LRRC4C: variants seen among roughly 807,000 people sequenced by gnomAD.
LRRC4C encodes leucine-rich repeat-containing protein 4C.
In LRRC4C, 5 loss-of-function variants were observed where a neutral mutation model predicts 33.6. The observed-to-expected ratio is 0.15, with a 90% CI of 0.08 to 0.31. LRRC4C has a LOEUF of 0.31. LRRC4C is among the 10% of genes least tolerant of loss of function. The pLI, the probability that LRRC4C is intolerant of heterozygous loss-of-function variation, is 1.00. For synonymous variants in LRRC4C, 329 were observed against 302.0 expected, an observed-to-expected ratio of 1.09 and a Z score of -0.93; for missense variants, 560 against 796.7, an observed-to-expected ratio of 0.70 and a Z score of 3.58.
chr11:40,360,443 A>G (rs953384503), intron 3 of LRRC4C, among the ~76,000 whole-genome samples: 82 of 152,330 alleles, frequency 5.4e-4, no homozygotes, highest in African/African-American at 1.9e-3. Context: ...TAGCAGGTGG[A>G]AAACACTCTG....
intron 1 of LRRC4C, among the ~76,000 whole-genome samples, chr11:41,428,719 C>T (rs577858223): frequency 1.4e-4 from 21 of 152,156 alleles, no homozygotes; most frequent in South Asian, 2.1e-4. Flanking sequence ...AGTGCTTTTT[C>T]GCTCTCCTTT....
intron 3 of LRRC4C, among the ~76,000 whole-genome samples, chr11:40,555,968 C>G (rs944721639): frequency 3.3e-5 from 5 of 151,944 alleles, no homozygotes; most frequent in Non-Finnish European, 7.4e-5. Flanking sequence ...TATTTCAGAA[C>G]CAAGGATAAT....
intron 3 of LRRC4C, among the ~76,000 whole-genome samples, chr11:40,382,959 C>T (rs889579978): frequency 2.0e-5 from 3 of 152,050 alleles, no homozygotes; most frequent in Non-Finnish European, 2.9e-5. Context: ...TCCCAAAGTA[C>T]TGGGATTACA....
chr11:41,066,543 T>C (rs1938253708), intron 1 of LRRC4C, among the ~76,000 whole-genome samples: 1 of 152,134 alleles, frequency 6.6e-6, no homozygotes, highest in Non-Finnish European at 1.5e-5. Flanking sequence ...CAGGCCAACA[T>C]GCAAATTCAG....
chr11:40,185,254 C>T (rs555019664), intron 5 of LRRC4C, among the ~76,000 whole-genome samples: 1 of 152,144 alleles, frequency 6.6e-6, no homozygotes, highest in Non-Finnish European at 1.5e-5. Context: ...ACCCTTTTCT[C>T]AAGCAAGCAT....
chr11:40,616,349 T>C (rs970266588), intron 3 of LRRC4C, among the ~76,000 whole-genome samples: 1 of 151,996 alleles, frequency 6.6e-6, no homozygotes, highest in African/African-American at 2.4e-5. Context: ...GAAGTCAGTG[T>C]GGTGATCCCT....
chr11:40,915,286 C>A (rs1264544048), intron 2 of LRRC4C, among the ~76,000 whole-genome samples: 1 of 152,162 alleles, frequency 6.6e-6, no homozygotes, highest in African/African-American at 2.4e-5. Flanking sequence ...CTCTACCTGA[C>A]TTCAAACTAT....
chr11:40,947,948 G>A (rs950587194), intron 1 of LRRC4C, among the ~76,000 whole-genome samples: 3 of 152,106 alleles, frequency 2.0e-5, no homozygotes, highest in Non-Finnish European at 4.4e-5. Context: ...GACTACCATT[G>A]TGTTGAGTAT....
At chr11:41,375,755 G>T (rs1442642257) in intron 1 of LRRC4C, among the ~76,000 whole-genome samples, 1 of 152,058 alleles carries the variant, frequency 6.6e-6, no homozygotes, top group Non-Finnish European at 1.5e-5. Context: ...AACTCATTTT[G>T]CCTGCTTGTC....
intron 2 of LRRC4C, among the ~76,000 whole-genome samples, chr11:40,677,485 C>T (rs552346369): frequency 6.6e-6 from 1 of 152,154 alleles, no homozygotes; most frequent in Non-Finnish European, 1.5e-5. Context: ...CAAATAAAAG[C>T]ATGTCTGGAC....
At chr11:40,264,587 G>C (rs541367434) in intron 4 of LRRC4C, among the ~76,000 whole-genome samples, 1 of 152,070 alleles carries the variant, frequency 6.6e-6, no homozygotes, top group African/African-American at 2.4e-5. Flanking sequence ...TTTCTGTGCC[G>C]ATGAATATAA....
chr11:41,418,649 T>G (rs1205968763), intron 1 of LRRC4C, among the ~76,000 whole-genome samples: 1 of 151,976 alleles, frequency 6.6e-6, no homozygotes, highest in Non-Finnish European at 1.5e-5. Context: ...CACAAACATA[T>G]GATAATAACA....
chr11:40,214,145 G>A lies in LRRC4C; in HGVS notation c.-96+27374C>T, dbSNP rs971834264. On this transcript the variant is annotated intron_variant, in intron 5 of 6. Transcript: ENST00000528697. ...CTGCCATGTTAGCTTCTGATTAACC[G>A]CAGTTCTGGGAAGGCCTTTGAAATT... Among the ~76,000 whole-genome samples, 5 of 152,064 alleles carry A rather than the reference G, an allele frequency of 3.3e-5. 1 individual carries two copies. Among genetic ancestry groups the A allele is most frequent in the Non-Finnish European group, 4.4e-5 (3 of 68,030 alleles).
At chr11:41,423,651 C>T (rs184745166) in intron 1 of LRRC4C, among the ~76,000 whole-genome samples, 2 of 152,054 alleles carry the variant, frequency 1.3e-5, no homozygotes, top group African/African-American at 4.8e-5. Flanking sequence ...GAACTGGATA[C>T]TGAGTAGCAA....
chr11:40,174,543 T>C (rs7926722), intron 5 of LRRC4C, among the ~76,000 whole-genome samples: 68,169 of 152,002 alleles, frequency 0.45, 15,647 homozygotes, highest in African/African-American at 0.51. Flanking sequence ...GTACCGTGTG[T>C]GCACCTGTGC....
chr11:41,222,112 A>G (rs115107400), intron 1 of LRRC4C, among the ~76,000 whole-genome samples: 1 of 152,202 alleles, frequency 6.6e-6, no homozygotes, highest in Non-Finnish European at 1.5e-5. Context: ...CAAATGATCA[A>G]CTAGCAACAA....
intron 2 of LRRC4C, among the ~76,000 whole-genome samples, chr11:40,808,268 T>G (rs1951337093): frequency 6.6e-6 from 1 of 152,072 alleles, no homozygotes; most frequent in African/African-American, 2.4e-5. Context: ...ATACTTTCTA[T>G]CTTGATTTTG....
At chr11:40,594,428 C>T (rs1399770160) in intron 3 of LRRC4C, among the ~76,000 whole-genome samples, 1 of 152,180 alleles carries the variant, frequency 6.6e-6, no homozygotes, top group Admixed American at 6.5e-5. Flanking sequence ...TCATTTGATT[C>T]CAGTTTTCTT....
chr11:41,145,025 GATA>G (rs1484155045), intron 1 of LRRC4C, among the ~76,000 whole-genome samples: 2 of 152,212 alleles, frequency 1.3e-5, no homozygotes, highest in South Asian at 4.1e-4. Context: ...GTAAAATAGA[GATA>G]ATAACATTGT....
Sources: allele counts gnomAD v4.1 joint callset (sites outside exome capture counted in the v4.1 genomes callset), GRCh38; gene constraint gnomAD v4.1.1; transcripts MANE v1.5; gene names NCBI Gene and HGNC (gene_info 2026-07-23, HGNC 2026-07-21).